The following UTP25 variants were observed in gnomAD, a reference collection of about 807,000 sequenced individuals.
The protein encoded by UTP25 is UTP25 small subunit processome component, also known as U3 small nucleolar RNA-associated protein 25 homolog.
UTP25 carries 50 observed loss-of-function variants against 78.9 expected under a neutral mutation model. The observed-to-expected ratio is 0.63, with a 90% CI of 0.50 to 0.80. The LOEUF is 0.80. UTP25 is among the 30% of genes least tolerant of loss of function. UTP25 has a pLI of 0.00. For synonymous variants in UTP25, 329 were observed against 336.5 expected (o/e 0.98, Z 0.24); for missense variants, 846 against 911.3 (o/e 0.93, Z 0.92).
chr1:209,841,491 G>A (rs2078166869), intron 8 of UTP25, among the ~76,000 whole-genome samples: 1 of 152,118 alleles, frequency 6.6e-6, no homozygotes, highest in Admixed American at 6.5e-5. Context: ...ATTTTTTAAG[G>A]TGGGATCTTG....
Position 209,852,564 on chromosome 1 carries a change from C to T in UTP25, c.*1117C>T, listed in dbSNP as rs530146005. 3 of 152,138 alleles carry T rather than the reference C, an allele frequency of 2.0e-5. No homozygotes were observed. The highest frequency in any genetic ancestry group is 6.5e-5 in the Admixed American group (1 of 15,276). The allele number at this position is 152,138 out of a possible 1,614,324, so 9.4% of individuals were successfully genotyped here. On this transcript the variant is annotated 3_prime_UTR_variant, in exon 12 of 12. Transcript: ENST00000491415. ...ATGCGTAACTGGTCTCAAATATGGC[C>T]GCTGGGAGCACCTTCAGGTTAGCCC...
chr1:209,839,154 A>C lies in UTP25; in HGVS notation c.1282+26A>C, dbSNP rs1572003884. 3.2e-6 allele frequency: 5 copies of C among 1,577,336 alleles called. No homozygotes were observed. In the East Asian group the frequency reaches 1.1e-4, roughly 35 times the overall value. ...GTAATTCTTCCTTATCAACTTTGAG[A>C]CCTAAAGTGTGAAGGTCTACATAGC... is the stretch of plus-strand genomic sequence containing the variant. On this transcript the variant is annotated intron_variant, in intron 7 of 11. Coordinates refer to ENST00000491415, the MANE Select transcript of UTP25 (RefSeq NM_014388.7).
intron 11 of UTP25, among the ~76,000 whole-genome samples, chr1:209,849,371 A>G (rs1403778455): frequency 6.6e-6 from 1 of 151,986 alleles, no homozygotes; most frequent in Non-Finnish European, 1.5e-5. Flanking sequence ...CTGGGGCAGA[A>G]TGCTTTTTAC....
chr1:209,850,955 C>A (rs894839969), intron 11 of UTP25, among the ~76,000 whole-genome samples: 6 of 152,162 alleles, frequency 3.9e-5, no homozygotes, highest in Non-Finnish European at 8.8e-5. Context: ...AGTGTAGGAT[C>A]AAGAAATGTG....
chr1:209,850,668 G>A (rs1338404182), intron 11 of UTP25, among the ~76,000 whole-genome samples: 1 of 152,218 alleles, frequency 6.6e-6, no homozygotes, highest in Non-Finnish European at 1.5e-5. Context: ...TTCTCATGAT[G>A]CCTAGTGGGT....
At chr1:209,839,172 T>C in intron 7 of UTP25, 44 bp downstream of exon 7, 12 of 1,525,636 alleles carry the variant, frequency 7.9e-6, no homozygotes, top group Non-Finnish European at 1.1e-5. Context: ...TGTGAAGGTC[T>C]ACATAGCTGG....
chr1:209,835,705 G>T (rs930788701), intron 5 of UTP25, among the ~76,000 whole-genome samples: 2 of 151,956 alleles, frequency 1.3e-5, no homozygotes, highest in African/African-American at 4.8e-5. Context: ...TTTTTTAATT[G>T]AAATTTTTAT....
In UTP25 at chr1:209,830,973, C is replaced by T. The variant is rs150126920; in HGVS notation, c.318C>T (p.Asn106=). Residue 106 remains asparagine, a synonymous_variant, in exon 3 of 12, where the codon AAC becomes AAT. Coordinates refer to ENST00000491415, the MANE Select transcript of UTP25 (RefSeq NM_014388.7). ...EDSIVDDAEM[N]DEDGGSDVSV... ...GTATTGTAGATGATGCAGAAATGAA[C>T]GATGAAGATGGTGGTAGCGATGTCA... The T allele has an allele frequency of 1.6e-4, 252 of 1,613,876 alleles. No individual in the cohort carries two copies. The highest frequency in any genetic ancestry group is 2.0e-4 in the Non-Finnish European group (236 of 1,179,934).
At chr1:209,835,343 G>A (rs892240594) in intron 5 of UTP25, among the ~76,000 whole-genome samples, 180 bp downstream of exon 5, 19 of 152,298 alleles carry the variant, frequency 1.2e-4, no homozygotes, top group African/African-American at 4.3e-4. Flanking sequence ...GCTAGAAAAC[G>A]CACCAGGAAG....
intron 11 of UTP25, among the ~76,000 whole-genome samples, chr1:209,850,505 T>C (rs1167993822): frequency 6.6e-6 from 1 of 152,218 alleles, no homozygotes; most frequent in Non-Finnish European, 1.5e-5. Context: ...ATAAAATCTT[T>C]TGTTATGGAA....
rs778346153 is a variant in UTP25 at position 209,855,875 on chromosome 1, C to T, written c.*4428C>T. ...GCCAAAGCTGTCTACCTTTTGCCAA[C>T]CTAAGGAATGACACAGAGCATGGAG... On this transcript the variant is annotated 3_prime_UTR_variant, in exon 12 of 12. Coordinates refer to ENST00000491415, the MANE Select transcript of UTP25 (RefSeq NM_014388.7). 8 of 152,352 alleles carry T rather than the reference C, an allele frequency of 5.3e-5. No individual in the cohort carries two copies. Among genetic ancestry groups the T allele is most frequent in the Non-Finnish European group, 1.2e-4 (8 of 68,136 alleles). The allele number at this position is 152,352 out of a possible 1,614,324, so 9.4% of individuals were successfully genotyped here. A position where few individuals can be genotyped will look rare whatever the true frequency, so the allele number is the denominator to read the frequency against.
At chr1:209,850,283 T>A (rs1345405269) in intron 11 of UTP25, among the ~76,000 whole-genome samples, 1 of 152,230 alleles carries the variant, frequency 6.6e-6, no homozygotes, top group Non-Finnish European at 1.5e-5. Context: ...TTAGAATTCC[T>A]TCTTTATGGA....
chr1:209,828,393 G>C (rs1284249532), intron 1 of UTP25, among the ~76,000 whole-genome samples: 1 of 138,764 alleles, frequency 7.2e-6, no homozygotes, highest in Non-Finnish European at 1.6e-5. Flanking sequence ...CCCGTTGTGT[G>C]GGGGAGGATT....
rs545681235 is a variant in UTP25, at chr1:209,847,406, C to T, written c.2027+3710C>T. On this transcript the variant is annotated intron_variant, in intron 11 of 11. Coordinates refer to ENST00000491415, the MANE Select transcript of UTP25 (RefSeq NM_014388.7). ...TCCCCACTCACATCTCTTATTTTTT[C>T]TTCCTGAACCATTTGAAAGTAAAGT... 2.0e-3 allele frequency among the ~76,000 whole-genome samples: 307 copies of T among 152,278 alleles called. 2 individuals are homozygous for T. The highest frequency in any genetic ancestry group is 6.4e-3 in the South Asian group (31 of 4,828).
chr1:209,842,562 G>C (rs564162182), intron 9 of UTP25, 21 bp from the exon 10 acceptor site: 1 of 1,612,612 alleles, frequency 6.2e-7, no homozygotes, highest in Non-Finnish European at 8.5e-7. Context: ...TCCACCTAAC[G>C]CTCTTGTTGA....
rs1418695080 is a variant in UTP25, at chr1:209,855,296, C to T, written c.*3849C>T. The T allele has an allele frequency of 6.6e-6, 1 of 152,298 alleles. No homozygotes were observed. The highest frequency in any genetic ancestry group is 1.5e-5 in the Non-Finnish European group (1 of 68,098). 9.4% of individuals were successfully genotyped at this position (152,298 alleles called of 1,614,324 possible). On this transcript the variant is annotated 3_prime_UTR_variant, in exon 12 of 12. Transcript: ENST00000491415. Reference sequence around the variant, plus strand: ...CTTTTGCTTTGTTCCTGTTTCCCTTCTGTGAGGACCTTCCCCTCCTCAGAT... The same window carrying T: ...CTTTTGCTTTGTTCCTGTTTCCCTTTTGTGAGGACCTTCCCCTCCTCAGAT...
rs1456635685 is a variant in UTP25, at chr1:209,856,979, G to A, written c.*5532G>A. ...CCACCTGTTTCTCATCTCTTCTAGT[G>A]TATGTCAAAGCTAAATTAGGTCAAA... On this transcript the variant is annotated 3_prime_UTR_variant, in exon 12 of 12. Transcript: ENST00000491415. The A allele has an allele frequency of 3.9e-5, 6 of 152,218 alleles. No individual in the cohort carries two copies. Among genetic ancestry groups the A allele is most frequent in the African/African-American group, 1.2e-4 (5 of 41,454 alleles). The allele number at this position is 152,218 out of a possible 1,614,324, so 9.4% of individuals were successfully genotyped here. A position where few individuals can be genotyped will look rare whatever the true frequency, so the allele number is the denominator to read the frequency against.
At position 209,838,858 on chromosome 1, in the gene UTP25, A is replaced by C. The variant is rs767401440; in HGVS notation, c.1063-51A>C. The stretch of plus-strand genomic sequence containing the variant: ...ACTTCCTCAGCAGTTTCACCTCAAG[A>C]TCCTGTTCCTTCCTCTTACCCCACT... On this transcript the variant is annotated intron_variant, in intron 6 of 11. Coordinates refer to ENST00000491415, the MANE Select transcript of UTP25 (RefSeq NM_014388.7). 1.1e-5 allele frequency: 18 copies of C among 1,592,128 alleles called. No homozygotes were observed. The South Asian group carries it at 1.8e-4, about 16-fold the overall frequency.
At chr1:209,833,388 C>T (rs758761013) in intron 4 of UTP25, 30 bp downstream of exon 4, 2 of 1,493,818 alleles carry the variant, frequency 1.3e-6, no homozygotes, top group Non-Finnish European at 8.9e-7. Context: ...TATTTGAATT[C>T]ACCAGGTGCT....
Sources: allele counts gnomAD v4.1 joint callset (sites outside exome capture counted in the v4.1 genomes callset), GRCh38; gene constraint gnomAD v4.1.1; transcripts MANE v1.5; gene names NCBI Gene and HGNC (gene_info 2026-07-23, HGNC 2026-07-21).